The following MREG variants were observed in gnomAD, a reference collection of about 807,000 sequenced individuals.
MREG encodes melanoregulin.
A neutral mutation model predicts 28.5 loss-of-function variants in MREG; 31 were observed. The observed-to-expected ratio is 1.09, with a 90% CI of 0.82 to 1.47. MREG has a LOEUF of 1.47. Among genes scored for constraint, MREG ranks in the 40% most tolerant of loss-of-function variants. The pLI is 0.00. For missense variants in MREG, 256 were observed against 257.4 expected (o/e 0.99, Z 0.04); for synonymous variants, 106 against 95.2 (o/e 1.11, Z -0.66).
At chr2:216,009,111 G>A (rs577704566) in intron 1 of MREG, among the ~76,000 whole-genome samples, 18 of 152,204 alleles carry the variant, frequency 1.2e-4, no homozygotes, top group African/African-American at 1.7e-4. Flanking sequence ...CCTGTGAGCC[G>A]ATGGCAGGAT....
chr2:215,946,961 A>G, intron 3 of MREG, 62 bp downstream of exon 3: 1 of 962,312 alleles, frequency 1.0e-6, no homozygotes, highest in Non-Finnish European at 1.7e-6. Context: ...ATGGTGGAGA[A>G]ATTGAAGAAT....
intron 2 of MREG, among the ~76,000 whole-genome samples, chr2:215,965,443 TA>T (rs1692914118): frequency 6.6e-6 from 1 of 152,012 alleles, no homozygotes; most frequent in Admixed American, 6.6e-5. Context: ...TCTTGTGGGA[TA>T]GGGGAGAACA....
intron 1 of MREG, among the ~76,000 whole-genome samples, chr2:215,999,111 C>T (rs897920274): frequency 3.3e-5 from 5 of 152,134 alleles, no homozygotes; most frequent in African/African-American, 7.2e-5. Flanking sequence ...CAGGAGCCCA[C>T]GGGGTTGGGG....
chr2:215,990,669 C>T lies in MREG; in HGVS notation c.255+5637G>A, dbSNP rs763048714. On this transcript the variant is annotated intron_variant, in intron 2 of 4. Coordinates refer to ENST00000263268, the MANE Select transcript of MREG (RefSeq NM_018000.3). The stretch of plus-strand genomic sequence containing the variant: ...GAGACCCATCTTACATGCAAAGACA[C>T]ATATAGGCTCAAAACAAAGGGTTGG... Among the ~76,000 whole-genome samples the T allele has an allele frequency of 8.5e-5, 13 of 152,292 alleles. No individual in the cohort carries two copies. The Middle Eastern group carries it at 0.014, about 159-fold the overall frequency.
chr2:216,013,090 A>C (rs1694354628), intron 1 of MREG, 143 bp downstream of exon 1: 2 of 670,132 alleles, frequency 3.0e-6, no homozygotes, highest in South Asian at 1.8e-5. Flanking sequence ...TCCCATAAGG[A>C]ACCAAGGGGC....
intron 1 of MREG, among the ~76,000 whole-genome samples, chr2:216,031,387 A>G (rs1194836118): frequency 6.7e-6 from 1 of 150,120 alleles, no homozygotes; most frequent in Non-Finnish European, 1.5e-5. Flanking sequence ...AGCCTGGGCA[A>G]CAGAGTGAGA....
chr2:215,972,541 T>C (rs2105991250), intron 2 of MREG, among the ~76,000 whole-genome samples: 1 of 147,194 alleles, frequency 6.8e-6, no homozygotes, highest in East Asian at 2.0e-4. Context: ...TACCTGGGAG[T>C]CTGAGGCGAG....
intron 1 of MREG, among the ~76,000 whole-genome samples, chr2:216,009,051 A>T (rs1694231274): frequency 6.6e-6 from 1 of 152,124 alleles, no homozygotes; most frequent in Non-Finnish European, 1.5e-5. Flanking sequence ...TTGAACACTG[A>T]ATTAGTGAAT....
intron 2 of MREG, among the ~76,000 whole-genome samples, chr2:215,965,378 C>T (rs67758683): frequency 0.034 from 5,164 of 152,120 alleles, 137 homozygotes; most frequent in African/African-American, 0.069. Flanking sequence ...GGGAGCATGG[C>T]GACAGCAAGA....
intron 1 of MREG, among the ~76,000 whole-genome samples, chr2:216,026,658 G>T (rs780140496): frequency 6.6e-6 from 1 of 152,036 alleles, no homozygotes; most frequent in Non-Finnish European, 1.5e-5. Flanking sequence ...ACCACAACTG[G>T]CTAAACTGGT....
At chr2:215,981,479 G>C (rs1693427412) in intron 2 of MREG, among the ~76,000 whole-genome samples, 1 of 152,190 alleles carries the variant, frequency 6.6e-6, no homozygotes, top group African/African-American at 2.4e-5. Context: ...AAAGAAAGTA[G>C]AAAGTTGCCA....
intron 1 of MREG, among the ~76,000 whole-genome samples, chr2:216,030,437 C>G (rs1458945583): frequency 6.6e-6 from 1 of 152,174 alleles, no homozygotes; most frequent in Non-Finnish European, 1.5e-5. Context: ...GAAACTACCT[C>G]ACAGAGTTTT....
At chr2:215,951,028 T>A (rs1574592442) in intron 2 of MREG, among the ~76,000 whole-genome samples, 2 of 152,154 alleles carry the variant, frequency 1.3e-5, no homozygotes, top group East Asian at 3.9e-4. Context: ...TCTCTCTCTC[T>A]CTCCTGCCAC....
In MREG at chr2:215,947,125, T is replaced by C; in HGVS notation, c.256-12A>G. 1 of 1,596,676 alleles carries C rather than the reference T, an allele frequency of 6.3e-7. No homozygotes were observed. Among genetic ancestry groups the C allele is most frequent in the Non-Finnish European group, 8.6e-7 (1 of 1,166,560 alleles). ...AGCTTCTGCCACTCCTGCAGGAAAA[T>C]AAAAGTTTAGTTTTATTTATACCCC... On this transcript the variant is annotated splice_polypyrimidine_tract_variant and intron_variant, in intron 2 of 4. Transcript: ENST00000263268.
upstream of MREG, among the ~76,000 whole-genome samples, chr2:216,015,956 T>A (rs544654427): frequency 6.6e-6 from 1 of 152,284 alleles, no homozygotes; most frequent in Admixed American, 6.5e-5. Flanking sequence ...GGGCGGTGTA[T>A]TATTTTTAAA....
chr2:215,994,441 T>A (rs1693805765), intron 2 of MREG, among the ~76,000 whole-genome samples: 1 of 151,508 alleles, frequency 6.6e-6, no homozygotes, highest in Non-Finnish European at 1.5e-5. Context: ...AGGGATGGCA[T>A]TCGGAGAAAT....
At position 215,979,471 on chromosome 2, in the gene MREG, AATAATAAT is replaced by A. The variant is rs1559184951; in HGVS notation, c.255+16827_255+16834del. 5.2e-4 allele frequency among the ~76,000 whole-genome samples: 21 copies of A among 40,762 alleles called. 1 individual carries two copies. Among genetic ancestry groups the A allele is most frequent in the African/African-American group, 2.0e-3 (14 of 6,916 alleles). 26.7% of individuals were successfully genotyped at this position (40,762 alleles called of 152,430 possible). On this transcript the variant is annotated intron_variant, in intron 2 of 4. Coordinates refer to ENST00000263268, the MANE Select transcript of MREG (RefSeq NM_018000.3). Reference sequence around the variant, plus strand: ...AGAGTGAAACTCCATCTCAAAAAATAATAATAATAATAATAATAATAATAATAATAATA... The same window carrying A: ...AGAGTGAAACTCCATCTCAAAAAATAAATAATAATAATAATAATAATAATA...
intron 2 of MREG, among the ~76,000 whole-genome samples, chr2:215,988,076 T>C (rs1693623793): frequency 6.6e-6 from 1 of 152,182 alleles, no homozygotes; most frequent in Admixed American, 6.5e-5. Flanking sequence ...CTGATTTTAT[T>C]TCTTAGGCAA....
At chr2:215,948,222 G>A (rs1051127280) in intron 2 of MREG, among the ~76,000 whole-genome samples, 5 of 152,156 alleles carry the variant, frequency 3.3e-5, no homozygotes, top group African/African-American at 1.2e-4. Flanking sequence ...GCTGCCATTC[G>A]CAAATGTTTA....
Sources: gnomAD v4.1 joint callset for allele counts (sites outside exome capture counted in the v4.1 genomes callset) on GRCh38, gnomAD v4.1.1 for gene constraint, MANE v1.5 for transcripts, NCBI Gene and HGNC (gene_info 2026-07-23, HGNC 2026-07-21) for gene names.